Variants in FMO1 observed in about 807,000 individuals in gnomAD.
The protein encoded by FMO1 is flavin-containing monooxygenase 1.
Under a neutral mutation model 45.4 loss-of-function variants are expected in FMO1, and 36 were observed. The observed-to-expected ratio is 0.79, with a 90% CI of 0.61 to 1.05. The LOEUF is 1.05. Ranked by LOEUF, FMO1 falls within the 50% of genes least tolerant of loss-of-function variation. The pLI is 0.00. For synonymous variants in FMO1, 228 were observed against 227.2 expected (o/e 1.00, Z -0.03); for missense variants, 615 against 640.3 (o/e 0.96, Z 0.43).
chr1:171,261,339 A>G (rs899360594), intron 2 of FMO1, among the ~76,000 whole-genome samples: 3 of 151,980 alleles, frequency 2.0e-5, no homozygotes, highest in Non-Finnish European at 4.4e-5. Flanking sequence ...ACACACACAC[A>G]CACAAAAGGT....
intron 1 of FMO1, among the ~76,000 whole-genome samples, chr1:171,256,875 A>C (rs1260421104): frequency 6.6e-6 from 1 of 152,200 alleles, no homozygotes; most frequent in African/African-American, 2.4e-5. Context: ...ACTTAGGGAG[A>C]TAAAACTGTC....
intron 1 of FMO1, among the ~76,000 whole-genome samples, chr1:171,251,038 T>A (rs1659866033): frequency 6.6e-6 from 1 of 152,192 alleles, no homozygotes; most frequent in South Asian, 2.1e-4. Context: ...ATCTTTACCT[T>A]TAGTTAAACA....
At chr1:171,259,882 C>T (rs190320735) in intron 2 of FMO1, among the ~76,000 whole-genome samples, 5 of 152,334 alleles carry the variant, frequency 3.3e-5, no homozygotes, top group East Asian at 3.9e-4. Context: ...AATGAGGATT[C>T]ACCCTGCCCT....
Position 171,283,534 on chromosome 1 carries a change from A to C in FMO1, c.1256+318A>C, listed in dbSNP as rs185338607. Among the ~76,000 whole-genome samples, 15 of 152,240 alleles carry C rather than the reference A, an allele frequency of 9.9e-5. 1 individual carries two copies. In the East Asian group the frequency reaches 2.7e-3, roughly 27 times the overall value. On this transcript the variant is annotated intron_variant, in intron 8 of 8. Transcript: ENST00000617670. ...ACTACATAATTAACCCTAATCTACC[A>C]GGTACATTATTCCATATCTTATCCA...
In FMO1 at chr1:171,278,822, G is replaced by A. The variant is rs1661228673; in HGVS notation, c.578G>A (p.Gly193Glu). Reference sequence around the variant, plus strand: ...AAGAGAGTCCTTGTGATTGGAATGGGAAATTCTGGCACAGACATTGCTGTG... The same window carrying A: ...AAGAGAGTCCTTGTGATTGGAATGGAAAATTCTGGCACAGACATTGCTGTG... ...KDKRVLVIGM[G>E]NSGTDIAVEA... The change falls in exon 5 of 9, where the codon GGA becomes GAA. Residue 193 changes from glycine (G) to glutamate (E), a missense_variant. Transcript: ENST00000617670. The A allele has an allele frequency of 6.2e-7, 1 of 1,612,816 alleles. No individual in the cohort carries two copies. Among genetic ancestry groups the A allele is most frequent in the South Asian group, 1.1e-5 (1 of 90,932 alleles).
At chr1:171,258,615 T>A (rs1348928457) in intron 2 of FMO1, among the ~76,000 whole-genome samples, 1 of 152,206 alleles carries the variant, frequency 6.6e-6, no homozygotes, top group East Asian at 1.9e-4. Context: ...AAGACTGAGC[T>A]GCTTTTACCT....
At position 171,275,961 on chromosome 1, in the gene FMO1, T is replaced by C. The variant is rs372014365; in HGVS notation, c.484+453T>C. ...CTTATGTGAGTGATAGCAATTAGAT[T>C]AGAGGTTTACGGCACTGGTCAATAG... On this transcript the variant is annotated intron_variant, in intron 4 of 8. Coordinates refer to ENST00000617670, the MANE Select transcript of FMO1 (RefSeq NM_001282693.2). Among the ~76,000 whole-genome samples, 4 of 152,274 alleles carry C rather than the reference T, an allele frequency of 2.6e-5. No homozygotes were observed. The South Asian group carries it at 8.3e-4, about 32-fold the overall frequency.
chr1:171,277,737 G>T (rs550510303), intron 4 of FMO1, among the ~76,000 whole-genome samples: 1 of 152,202 alleles, frequency 6.6e-6, no homozygotes, highest in South Asian at 2.1e-4. Context: ...ATTGGAACTT[G>T]GTTGCATCCT....
At chr1:171,270,972 T>A in intron 3 of FMO1, 1 of 883,698 alleles carries the variant, frequency 1.1e-6, no homozygotes, top group Non-Finnish European at 1.8e-6. Context: ...CTTCTTCATC[T>A]TCATCTTCTT....
intron 3 of FMO1, 74 bp downstream of exon 3, chr1:171,267,805 C>A (rs1660680677): frequency 8.3e-7 from 1 of 1,200,124 alleles, no homozygotes; most frequent in Non-Finnish European, 1.2e-6. Context: ...CAGCCTAGCC[C>A]TGGGCTCTGT....
chr1:171,252,523 A>T (rs1571321829), intron 1 of FMO1, among the ~76,000 whole-genome samples: 1 of 151,982 alleles, frequency 6.6e-6, no homozygotes, highest in Admixed American at 6.5e-5. Flanking sequence ...TCCTCTTTCC[A>T]CCTGGCCTGT....
chr1:171,271,389 G>C, intron 3 of FMO1: 1 of 1,134,964 alleles, frequency 8.8e-7, no homozygotes, highest in South Asian at 1.2e-5. Context: ...AATGGGCCTT[G>C]TCACCTTTGC....
rs972961219 is a variant in FMO1 at position 171,251,292 on chromosome 1, A to C, written c.-7+2669A>C. On this transcript the variant is annotated intron_variant, in intron 1 of 8. Coordinates refer to ENST00000617670, the MANE Select transcript of FMO1 (RefSeq NM_001282693.2). ...CAACTGTTTACAGGACTCAGCAGGG[A>C]GCCTGTAAGTGGCTCGGACCCTCAG... Among the ~76,000 whole-genome samples, 14 of 152,208 alleles carry C rather than the reference A, an allele frequency of 9.2e-5. No individual in the cohort carries two copies. The Middle Eastern group carries it at 0.01, about 111-fold the overall frequency.
chr1:171,273,690 A>C (rs551367004), intron 3 of FMO1, among the ~76,000 whole-genome samples: 2 of 151,948 alleles, frequency 1.3e-5, no homozygotes, highest in African/African-American at 4.8e-5. Flanking sequence ...TATTTTTTTT[A>C]ATTTTTAGTA....
intron 3 of FMO1, chr1:171,271,547 T>C: frequency 1.2e-6 from 1 of 827,884 alleles, no homozygotes; most frequent in Non-Finnish European, 2.1e-6. Flanking sequence ...ATGCATATGA[T>C]GACATTTTGC....
chr1:171,256,037 G>A (rs987454126), intron 1 of FMO1, among the ~76,000 whole-genome samples: 13 of 152,234 alleles, frequency 8.5e-5, no homozygotes, highest in African/African-American at 2.9e-4. Flanking sequence ...ACTTTGGGAG[G>A]CTGAGGCAGG....
intron 3 of FMO1, among the ~76,000 whole-genome samples, chr1:171,268,411 A>G (rs1660709799): frequency 6.6e-6 from 1 of 152,150 alleles, no homozygotes; most frequent in Non-Finnish European, 1.5e-5. Context: ...CTATTCTTTT[A>G]TAGGAATGGA....
intron 2 of FMO1, among the ~76,000 whole-genome samples, chr1:171,262,744 T>A (rs1021111210): frequency 5.9e-5 from 9 of 152,212 alleles, no homozygotes; most frequent in African/African-American, 2.2e-4. Flanking sequence ...ATTACTATCA[T>A]CCTAGTGGGG....
chr1:171,277,212 C>T (rs1305320101), intron 4 of FMO1, among the ~76,000 whole-genome samples: 1 of 152,196 alleles, frequency 6.6e-6, no homozygotes, highest in Non-Finnish European at 1.5e-5. Context: ...AGATGGCACA[C>T]ACTCCTTGCG....
Sources: allele counts gnomAD v4.1 joint callset (sites outside exome capture counted in the v4.1 genomes callset), GRCh38; gene constraint gnomAD v4.1.1; transcripts MANE v1.5; gene names NCBI Gene and HGNC (gene_info 2026-07-23, HGNC 2026-07-21).